Variants in UGGT2 observed in about 807,000 individuals in gnomAD.
UGGT2 encodes the protein UDP-glucose:glycoprotein glucosyltransferase 2.
UGGT2 carries 180 observed loss-of-function variants against 192.1 expected under a neutral mutation model. That is an observed-to-expected ratio of 0.94 (90% CI 0.83 to 1.06). The LOEUF (loss-of-function observed/expected upper bound fraction) is 1.06. Ranked by LOEUF, UGGT2 falls within the 50% of genes least tolerant of loss-of-function variation. The pLI is 0.00. For missense variants in UGGT2, 1,849 were observed against 1,795.7 expected (o/e 1.03, Z -0.54); for synonymous variants, 580 against 591.0 (o/e 0.98, Z 0.27).
chr13:95,957,258 T>C (rs2050237954), intron 12 of UGGT2, among the ~76,000 whole-genome samples: 1 of 152,252 alleles, frequency 6.6e-6, no homozygotes, highest in Non-Finnish European at 1.5e-5. Flanking sequence ...GTGATGGTTG[T>C]ACAACACTGT....
Position 95,883,452 on chromosome 13 carries a change from T to C in UGGT2, c.3228+1039A>G, listed in dbSNP as rs565727545. ...GATACCAAGTGATATGGTTTGGCTC[T>C]GTGTACCCACCCAAATCTCATGTCT... On this transcript the variant is annotated intron_variant, in intron 27 of 38. Coordinates refer to ENST00000376747, the MANE Select transcript of UGGT2 (RefSeq NM_020121.4). 1.3e-4 allele frequency among the ~76,000 whole-genome samples: 20 copies of C among 152,302 alleles called. No homozygotes were observed. In the South Asian group the frequency reaches 2.7e-3, roughly 21 times the overall value.
intron 23 of UGGT2, 62 bp downstream of exon 23, chr13:95,895,117 TA>T: frequency 6.7e-7 from 1 of 1,487,016 alleles, no homozygotes; most frequent in Non-Finnish European, 9.0e-7. Context: ...TTTCTAATCT[TA>T]AAAACATTAG....
intron 1 of UGGT2, 66 bp from the exon 2 acceptor site, chr13:96,032,037 G>A: frequency 1.7e-6 from 2 of 1,167,672 alleles, no homozygotes; most frequent in Non-Finnish European, 2.5e-6. Flanking sequence ...ACTATAAACT[G>A]TACTCAAGAA....
At chr13:95,902,797 C>A (rs2048146784) in intron 21 of UGGT2, 57 bp downstream of exon 21, 1 of 1,500,964 alleles carries the variant, frequency 6.7e-7, no homozygotes, top group Admixed American at 1.9e-5. Flanking sequence ...TCCAAATACA[C>A]TCACACTTTT....
rs967465314 is a variant in UGGT2 at position 95,809,300 on chromosome 13, G to A, written c.4529-7488C>T. 4 of 510,240 alleles carry A rather than the reference G, an allele frequency of 7.8e-6. No homozygotes were observed. The Admixed American group carries it at 8.1e-5, about 10-fold the overall frequency. The allele number at this position is 510,240 out of a possible 1,614,324, so 31.6% of individuals were successfully genotyped here. A position where few individuals can be genotyped will look rare whatever the true frequency, so the allele number is the denominator to read the frequency against. On this transcript the variant is annotated intron_variant, in intron 38 of 38. Transcript: ENST00000376747. ...GGAACCACTGATAAGACATGGTATA[G>A]GATATTAATCAGACTTGGCTTCTTT...
Position 95,948,084 on chromosome 13 carries a change from AAAAG to A in UGGT2, c.1456-7_1456-4del. The A allele has an allele frequency of 1.9e-6, 3 of 1,609,768 alleles. No homozygotes were observed. The highest frequency in any genetic ancestry group is 2.5e-6 in the Non-Finnish European group (3 of 1,177,078). On this transcript the variant is annotated splice_polypyrimidine_tract_variant and splice_region_variant and intron_variant, in intron 13 of 38. Transcript: ENST00000376747. ...TGGGCCGGATCAATAAACAGAACCT[AAAAG>A]AAAGATAGTATATATCACTATTTCA...
At chr13:95,858,872 T>C (rs1201930906) in intron 33 of UGGT2, among the ~76,000 whole-genome samples, 2 of 152,186 alleles carry the variant, frequency 1.3e-5, no homozygotes, top group African/African-American at 4.8e-5. Context: ...GCATCATGCC[T>C]AGAAATATTA....
At chr13:95,963,158 A>G (rs1254081198) in intron 12 of UGGT2, among the ~76,000 whole-genome samples, 3 of 152,164 alleles carry the variant, frequency 2.0e-5, no homozygotes, top group Non-Finnish European at 4.4e-5. Flanking sequence ...ATTCTCAACA[A>G]AATACTAGTA....
chr13:95,982,267 A>C (rs2051150914), intron 10 of UGGT2, among the ~76,000 whole-genome samples: 1 of 152,168 alleles, frequency 6.6e-6, no homozygotes, highest in South Asian at 2.1e-4. Flanking sequence ...TTTATTTTCT[A>C]ACAAAGAACA....
chr13:95,928,709 G>T (rs936620950), intron 17 of UGGT2, among the ~76,000 whole-genome samples: 2 of 152,050 alleles, frequency 1.3e-5, no homozygotes, highest in African/African-American at 4.8e-5. Flanking sequence ...TCACTTCCCA[G>T]ACTGGGCGGC....
intron 33 of UGGT2, among the ~76,000 whole-genome samples, chr13:95,857,749 A>T (rs1889756746): frequency 6.6e-6 from 1 of 152,190 alleles, no homozygotes; most frequent in Non-Finnish European, 1.5e-5. Flanking sequence ...TCACAAAAAG[A>T]AGGAAAATAC....
Position 95,854,176 on chromosome 13 carries a change from T to C in UGGT2, c.4169+139A>G, listed in dbSNP as rs890429375. 3.6e-6 allele frequency: 3 copies of C among 830,932 alleles called. No homozygotes were observed. In the African/African-American group the frequency reaches 5.2e-5, roughly 14 times the overall value. The allele number at this position is 830,932 out of a possible 1,614,324, so 51.5% of individuals were successfully genotyped here. On this transcript the variant is annotated intron_variant, in intron 35 of 38. Transcript: ENST00000376747. The stretch of plus-strand genomic sequence containing the variant: ...ATACGTAAAGGCTTACAAGAGTGAC[T>C]GGCATGAAATGAACACTATGTAATT...
intron 20 of UGGT2, among the ~76,000 whole-genome samples, chr13:95,922,458 C>T (rs2048876165): frequency 6.6e-6 from 1 of 152,068 alleles, no homozygotes; most frequent in African/African-American, 2.4e-5. Context: ...GGAATCAAAG[C>T]TAAAAATAAA....
intron 10 of UGGT2, among the ~76,000 whole-genome samples, chr13:95,976,058 GACTGTATTTTTGC>G (rs2050927680): frequency 2.0e-5 from 3 of 152,116 alleles, no homozygotes; most frequent in African/African-American, 7.2e-5. Context: ...TCTTATTCCT[GACTGTATTTTTGC>G]ACCCATTAAC....
intron 17 of UGGT2, among the ~76,000 whole-genome samples, chr13:95,931,630 G>A (rs1270410639): frequency 1.3e-5 from 2 of 152,128 alleles, no homozygotes; most frequent in Non-Finnish European, 2.9e-5. Context: ...AGATGAGGCA[G>A]CGAGAATTCG....
chr13:95,851,767 GGTAATGTA>G (rs1218327106), intron 36 of UGGT2, among the ~76,000 whole-genome samples: 2 of 152,126 alleles, frequency 1.3e-5, no homozygotes, highest in African/African-American at 4.8e-5. Flanking sequence ...CCCAAAATGT[GGTAATGTA>G]GTACTGGGAG....
chr13:95,908,432 C>T (rs1287280706), intron 20 of UGGT2, among the ~76,000 whole-genome samples: 1 of 152,126 alleles, frequency 6.6e-6, no homozygotes, highest in Admixed American at 6.5e-5. Flanking sequence ...AGAACAACCC[C>T]AAGACACATA....
chr13:95,974,821 C>G (rs2050885647), intron 10 of UGGT2, among the ~76,000 whole-genome samples: 4 of 152,116 alleles, frequency 2.6e-5, no homozygotes, highest in Admixed American at 1.3e-4. Context: ...GTGGCTCACA[C>G]CTGTTATCCC....
intron 38 of UGGT2, 34 bp downstream of exon 38, chr13:95,832,893 A>T: frequency 6.2e-7 from 1 of 1,607,766 alleles, no homozygotes; most frequent in Non-Finnish European, 8.5e-7. Context: ...AATGCAACGC[A>T]TGTTTCAGAC....
Sources: gnomAD v4.1 joint callset for allele counts (sites outside exome capture counted in the v4.1 genomes callset) on GRCh38, gnomAD v4.1.1 for gene constraint, MANE v1.5 for transcripts, NCBI Gene and HGNC (gene_info 2026-07-23, HGNC 2026-07-21) for gene names.